Variants in STAG1 observed in about 807,000 individuals in gnomAD.
The protein encoded by STAG1 is cohesin subunit SA-1.
Under a neutral mutation model 170.9 loss-of-function variants are expected in STAG1, and 26 were observed. The observed-to-expected ratio is 0.15, with a 90% CI of 0.11 to 0.21. The LOEUF (loss-of-function observed/expected upper bound fraction) is 0.21. STAG1 is among the 10% of genes least tolerant of loss of function. STAG1 has a pLI of 1.00. For missense variants in STAG1, 964 were observed against 1,509.5 expected (o/e 0.64, Z 5.99); for synonymous variants, 514 against 497.7 (o/e 1.03, Z -0.44).
At chr3:136,356,174 A>C (rs1464276677) in intron 28 of STAG1, among the ~76,000 whole-genome samples, 5 of 151,886 alleles carry the variant, frequency 3.3e-5, no homozygotes, top group African/African-American at 1.2e-4. Context: ...CCAGGTCGGA[A>C]CCACTGAGCC....
chr3:136,464,041 C>T (rs2089371480), intron 13 of STAG1, among the ~76,000 whole-genome samples: 1 of 151,344 alleles, frequency 6.6e-6, no homozygotes, highest in Non-Finnish European at 1.5e-5. Flanking sequence ...TAACGTTATG[C>T]TTTACAAAAA....
At chr3:136,382,600 A>G (rs1938035961) in intron 22 of STAG1, among the ~76,000 whole-genome samples, 1 of 151,886 alleles carries the variant, frequency 6.6e-6, no homozygotes, top group African/African-American at 2.4e-5. Flanking sequence ...TAGTAGAGAC[A>G]GGGTTTCGCC....
At chr3:136,396,614 GCCT>G (rs1421041474) in intron 22 of STAG1, among the ~76,000 whole-genome samples, 7 of 120,918 alleles carry the variant, frequency 5.8e-5, no homozygotes, top group Non-Finnish European at 9.6e-5. Flanking sequence ...TGCAACCTCC[GCCT>G]CCCGAGTTCA....
At chr3:136,386,542 A>G (rs1371187913) in intron 22 of STAG1, among the ~76,000 whole-genome samples, 1 of 152,160 alleles carries the variant, frequency 6.6e-6, no homozygotes, top group Admixed American at 6.5e-5. Context: ...CCATAACAGC[A>G]AACTGTATGA....
intron 1 of STAG1, among the ~76,000 whole-genome samples, chr3:136,725,259 C>T (rs1310176335): frequency 6.6e-6 from 1 of 150,396 alleles, no homozygotes; most frequent in Non-Finnish European, 1.5e-5. Flanking sequence ...TAGGCAAGAA[C>T]TAGAAAACAA....
At chr3:136,366,345 G>A (rs2108290774) in intron 25 of STAG1, among the ~76,000 whole-genome samples, 1 of 152,218 alleles carries the variant, frequency 6.6e-6, no homozygotes, top group South Asian at 2.1e-4. Context: ...TTCATTATCA[G>A]TATGCTACAT....
intron 12 of STAG1, among the ~76,000 whole-genome samples, chr3:136,467,498 G>C (rs2089498137): frequency 6.6e-6 from 1 of 152,100 alleles, no homozygotes; most frequent in African/African-American, 2.4e-5. Context: ...GGAGCACCCA[G>C]ATTCATAAAG....
Position 136,502,847 on chromosome 3 carries a change from T to C in STAG1, c.677-68A>G, listed in dbSNP as rs996577329. ...TTATCCATATAAGATTACAAATTTA[T>C]AAAGCCAATGGATGAAGAAATGAAA... On this transcript the variant is annotated intron_variant, in intron 7 of 33. Transcript: ENST00000383202. 4.9e-6 allele frequency: 6 copies of C among 1,236,310 alleles called. No homozygotes were observed. The Admixed American group carries it at 2.0e-4, about 42-fold the overall frequency. The allele number at this position is 1,236,310 out of a possible 1,614,324, so 76.6% of individuals were successfully genotyped here. A position where few individuals can be genotyped will look rare whatever the true frequency, so the allele number is the denominator to read the frequency against.
chr3:136,624,192 G>A (rs537266696), intron 2 of STAG1, among the ~76,000 whole-genome samples: 79 of 151,608 alleles, frequency 5.2e-4, no homozygotes, highest in Non-Finnish European at 9.6e-4. Context: ...TCCAACTCCC[G>A]GGTTCACACC....
chr3:136,465,022 G>A (rs746791595), intron 12 of STAG1, 34 bp from the exon 13 acceptor site: 38 of 1,473,972 alleles, frequency 2.6e-5, no homozygotes, highest in Non-Finnish European at 2.8e-6. Context: ...CTGATCTAAA[G>A]CAAATGTTTA....
At chr3:136,656,623 G>T (rs901523890) in intron 1 of STAG1, among the ~76,000 whole-genome samples, 1 of 150,786 alleles carries the variant, frequency 6.6e-6, no homozygotes, top group Non-Finnish European at 1.5e-5. Context: ...TTATTTGTGT[G>T]TGTGTGTGTG....
intron 12 of STAG1, among the ~76,000 whole-genome samples, chr3:136,469,422 T>C (rs1406653417): frequency 6.6e-6 from 1 of 152,100 alleles, no homozygotes; most frequent in Non-Finnish European, 1.5e-5. Flanking sequence ...GAATCCAACT[T>C]ACAAGGGATG....
intron 4 of STAG1, among the ~76,000 whole-genome samples, chr3:136,579,437 T>C (rs948955693): frequency 2.0e-5 from 3 of 152,176 alleles, no homozygotes; most frequent in African/African-American, 4.8e-5. Flanking sequence ...TCAAGGCACT[T>C]ACCGTGCTGC....
At chr3:136,621,484 C>T (rs755186771) in intron 3 of STAG1, among the ~76,000 whole-genome samples, 11 of 152,132 alleles carry the variant, frequency 7.2e-5, no homozygotes, top group Non-Finnish European at 1.6e-4. Context: ...CTAGAATAGT[C>T]AACAGCTTCC....
chr3:136,590,655 T>C (rs552735324), intron 4 of STAG1, among the ~76,000 whole-genome samples: 27 of 152,202 alleles, frequency 1.8e-4, no homozygotes, highest in Admixed American at 9.8e-4. Context: ...AATATTGGTC[T>C]AAGACATGTA....
chr3:136,340,675 A>AT, intron 31 of STAG1, 70 bp from the exon 32 acceptor site: 1 of 995,558 alleles, frequency 1.0e-6, no homozygotes, highest in South Asian at 1.3e-5. Context: ...TGTTTCTCAG[A>AT]TTAAAGTTAT....
At chr3:136,384,789 G>T (rs1339480170) in intron 22 of STAG1, among the ~76,000 whole-genome samples, 3 of 149,922 alleles carry the variant, frequency 2.0e-5, no homozygotes, top group African/African-American at 7.3e-5. Flanking sequence ...AAAAAAGTAA[G>T]TAAGAAATTT....
chr3:136,708,394 AAATAT>A (rs1240713783), intron 1 of STAG1, among the ~76,000 whole-genome samples: 3 of 151,944 alleles, frequency 2.0e-5, no homozygotes, highest in Non-Finnish European at 4.4e-5. Context: ...TATTTATAAG[AAATAT>A]AATAAATAAG....
chr3:136,442,336 T>C (rs2088656509), intron 15 of STAG1, among the ~76,000 whole-genome samples: 1 of 152,256 alleles, frequency 6.6e-6, no homozygotes, highest in Non-Finnish European at 1.5e-5. Context: ...AGTACTATTG[T>C]GGGCTAGTTT....
Sources: gnomAD v4.1 joint callset for allele counts (sites outside exome capture counted in the v4.1 genomes callset) on GRCh38, gnomAD v4.1.1 for gene constraint, MANE v1.5 for transcripts, NCBI Gene and HGNC (gene_info 2026-07-23, HGNC 2026-07-21) for gene names.